Variants in NEBL observed in about 807,000 individuals in gnomAD.
The protein encoded by NEBL is nebulette, also known as LIM and SH3 protein 2.
Under a neutral mutation model 140.2 loss-of-function variants are expected in NEBL, and 122 were observed. The ratio of observed to expected loss-of-function variants is 0.87; its 90% confidence interval spans 0.75 to 1.01. The LOEUF is 1.01. Among genes scored for constraint, NEBL ranks in the 50% least tolerant of loss-of-function variants. NEBL has a pLI of 0.00. For synonymous variants in NEBL, 436 were observed against 398.9 expected (o/e 1.09, Z -1.11); for missense variants, 1,365 against 1,231.3 (o/e 1.11, Z -1.62).
At chr10:20,927,226 C>G (rs952209965) in intron 4 of NEBL, among the ~76,000 whole-genome samples, 2 of 152,190 alleles carry the variant, frequency 1.3e-5, no homozygotes, top group African/African-American at 4.8e-5. Context: ...TTGGGATGTG[C>G]TGACCCGCAG....
At chr10:21,107,383 G>A (rs1486682029) in intron 2 of NEBL, among the ~76,000 whole-genome samples, 1 of 152,180 alleles carries the variant, frequency 6.6e-6, no homozygotes, top group Admixed American at 6.5e-5. Flanking sequence ...ATGAAGACCT[G>A]TTGAATTTTG....
At chr10:21,241,499 G>A (rs971219180) in intron 3 of NEBL, among the ~76,000 whole-genome samples, 2 of 152,172 alleles carry the variant, frequency 1.3e-5, no homozygotes, top group Non-Finnish European at 2.9e-5. Context: ...AGTCAACTCA[G>A]CAGTAACACA....
At chr10:21,009,123 T>C (rs1439722789) in intron 3 of NEBL, among the ~76,000 whole-genome samples, 16 of 152,138 alleles carry the variant, frequency 1.1e-4, no homozygotes, top group Admixed American at 1.0e-3. Context: ...AGAGCTACTT[T>C]GGTTTTAATT....
intron 4 of NEBL, among the ~76,000 whole-genome samples, chr10:20,905,618 A>T (rs1246185955): frequency 6.6e-6 from 1 of 152,168 alleles, no homozygotes; most frequent in African/African-American, 2.4e-5. Context: ...ACAAAGCCAA[A>T]CCATGTCACC....
At chr10:21,026,068 T>A (rs1018732558) in intron 2 of NEBL, among the ~76,000 whole-genome samples, 5 of 152,186 alleles carry the variant, frequency 3.3e-5, no homozygotes, top group Non-Finnish European at 5.9e-5. Context: ...GCTGCTGGAA[T>A]CACATGAAAA....
intron 2 of NEBL, among the ~76,000 whole-genome samples, chr10:21,107,720 T>C (rs958264860): frequency 3.9e-5 from 6 of 152,222 alleles, no homozygotes; most frequent in Non-Finnish European, 5.9e-5. Context: ...TTTCTACAGA[T>C]TGAAATAGTT....
chr10:20,820,849 G>C (rs903277022), intron 19 of NEBL, among the ~76,000 whole-genome samples: 10 of 151,798 alleles, frequency 6.6e-5, no homozygotes, highest in African/African-American at 2.4e-4. Flanking sequence ...AAATAAAAAA[G>C]AAAGAAAGAA....
chr10:20,897,540 T>A (rs539003120), upstream of NEBL: 3 of 1,074,280 alleles, frequency 2.8e-6, no homozygotes, highest in East Asian at 2.3e-4. Context: ...TTCTATTCAT[T>A]CATAAAAGAG....
intron 3 of NEBL, among the ~76,000 whole-genome samples, chr10:21,233,258 G>A (rs1842289729): frequency 6.6e-6 from 1 of 152,090 alleles, no homozygotes; most frequent in Non-Finnish European, 1.5e-5. Context: ...ATGTTGCCCA[G>A]GTTGGTCTCG....
At chr10:21,081,637 G>A (rs1054565886) in intron 2 of NEBL, among the ~76,000 whole-genome samples, 55 of 152,184 alleles carry the variant, frequency 3.6e-4, no homozygotes. Flanking sequence ...TAGACGGTTG[G>A]TTTCCAAAGA....
intron 7 of NEBL, among the ~76,000 whole-genome samples, chr10:20,862,303 G>A (rs1016203158): frequency 1.3e-5 from 2 of 152,134 alleles, no homozygotes; most frequent in African/African-American, 4.8e-5. Context: ...TGAGTGATTT[G>A]ATTCAAGATG....
intron 3 of NEBL, among the ~76,000 whole-genome samples, chr10:21,216,772 A>C (rs1199242632): frequency 1.2e-5 from 1 of 83,842 alleles, no homozygotes; most frequent in Non-Finnish European, 2.0e-5. Flanking sequence ...CTCCATCTCG[A>C]AAAAAAAAAA....
At chr10:20,912,673 G>A (rs963611198) in intron 4 of NEBL, among the ~76,000 whole-genome samples, 1 of 151,866 alleles carries the variant, frequency 6.6e-6, no homozygotes, top group African/African-American at 2.4e-5. Flanking sequence ...TACTTACGTT[G>A]CACCTAGATT....
intron 3 of NEBL, among the ~76,000 whole-genome samples, chr10:21,239,702 A>C (rs1305818074): frequency 6.6e-6 from 1 of 152,164 alleles, no homozygotes; most frequent in Non-Finnish European, 1.5e-5. Flanking sequence ...GTCCAAACTC[A>C]GAACAGATTT....
intron 11 of NEBL, among the ~76,000 whole-genome samples, chr10:20,845,798 A>G (rs1441596061): frequency 1.3e-5 from 2 of 152,156 alleles, no homozygotes; most frequent in African/African-American, 4.8e-5. Flanking sequence ...TCATGTCCCC[A>G]TCATCCTTCT....
At chr10:21,272,326 T>G (rs1842871007) in intron 1 of NEBL, among the ~76,000 whole-genome samples, 1 of 152,006 alleles carries the variant, frequency 6.6e-6, no homozygotes, top group South Asian at 2.1e-4. Context: ...GGCTCACACC[T>G]TTAATCTCAG....
At chr10:21,027,616 C>T (rs1833569291) in intron 2 of NEBL, among the ~76,000 whole-genome samples, 1 of 152,086 alleles carries the variant, frequency 6.6e-6, no homozygotes, top group South Asian at 2.1e-4. Context: ...AGGCATAAGC[C>T]ACCACACCTG....
chr10:21,104,054 T>C (rs1837597807), intron 2 of NEBL, among the ~76,000 whole-genome samples: 1 of 152,176 alleles, frequency 6.6e-6, no homozygotes, highest in African/African-American at 2.4e-5. Flanking sequence ...TTGAAAGAAT[T>C]CTCCTCACCC....
upstream of NEBL, among the ~76,000 whole-genome samples, chr10:21,178,013 A>C (rs1023406983): frequency 6.6e-6 from 1 of 152,210 alleles, no homozygotes; most frequent in African/African-American, 2.4e-5. Flanking sequence ...CGTGGAGGAA[A>C]GTTTTCGCAA....
Sources: gnomAD v4.1 joint callset for allele counts (sites outside exome capture counted in the v4.1 genomes callset) on GRCh38, gnomAD v4.1.1 for gene constraint, MANE v1.5 for transcripts, NCBI Gene and HGNC (gene_info 2026-07-23, HGNC 2026-07-21) for gene names.